Variants in SGCD observed in about 807,000 individuals in gnomAD.
SGCD encodes the protein sarcoglycan delta, also known as delta-sarcoglycan.
SGCD carries 18 observed loss-of-function variants against 36.6 expected under a neutral mutation model. The ratio of observed to expected loss-of-function variants is 0.49; its 90% confidence interval spans 0.34 to 0.73. The LOEUF is 0.73. Among genes scored for constraint, SGCD ranks in the 30% least tolerant of loss-of-function variants. SGCD has a pLI of 0.01. For missense variants in SGCD, 387 were observed against 346.7 expected (o/e 1.12, Z -0.92); for synonymous variants, 133 against 130.6 (o/e 1.02, Z -0.12).
chr5:156,270,293 G>A (rs1482505593), intron 3 of SGCD, among the ~76,000 whole-genome samples: 1 of 152,114 alleles, frequency 6.6e-6, no homozygotes, highest in Non-Finnish European at 1.5e-5. Flanking sequence ...TTTGAAGCCA[G>A]GTAGCATGAT....
Position 156,570,547 on chromosome 5 carries a change from T to C in SGCD, c.295-18684T>C, listed in dbSNP as rs146822297. Reference sequence around the variant, plus strand: ...ATTTATAGCTTCCAGTCATATTTTGTTGTTTTTATATGCAGTCTCTGTGGA... The same window carrying C: ...ATTTATAGCTTCCAGTCATATTTTGCTGTTTTTATATGCAGTCTCTGTGGA... On this transcript the variant is annotated intron_variant, in intron 4 of 8. Transcript: ENST00000337851. 4.5e-3 allele frequency among the ~76,000 whole-genome samples: 689 copies of C among 152,366 alleles called. 4 individuals carry two copies. Among genetic ancestry groups the C allele is most frequent in the African/African-American group, 0.014 (573 of 41,592 alleles).
At chr5:156,348,154 T>A (rs1413442909) in intron 3 of SGCD, among the ~76,000 whole-genome samples, 1 of 152,100 alleles carries the variant, frequency 6.6e-6, no homozygotes, top group African/African-American at 2.4e-5. Flanking sequence ...GAATGAGGTA[T>A]TAAGCACTGT....
At chr5:156,615,525 A>G (rs569687076) in intron 6 of SGCD, among the ~76,000 whole-genome samples, 12 of 152,158 alleles carry the variant, frequency 7.9e-5, no homozygotes, top group Non-Finnish European at 1.5e-4. Context: ...AGGCTTTTGA[A>G]TTTGATGAAA....
At chr5:155,749,374 T>G in the SGCD span, among the ~76,000 whole-genome samples, 2 of 152,230 alleles carry the variant, frequency 1.3e-5, no homozygotes, top group South Asian at 4.1e-4. Context: ...TCTTAGTTTT[T>G]TCTGAAGAAC....
the SGCD span, among the ~76,000 whole-genome samples, chr5:155,729,012 GC>G: frequency 6.6e-6 from 1 of 152,246 alleles, no homozygotes; most frequent in African/African-American, 2.4e-5. Flanking sequence ...GCTAATGGAG[GC>G]CCCCTTTACC....
intron 1 of SGCD, among the ~76,000 whole-genome samples, chr5:156,077,860 G>C (rs543159786): frequency 2.6e-5 from 4 of 152,246 alleles, no homozygotes; most frequent in South Asian, 2.1e-4. Context: ...TTGGAAACAA[G>C]GGAGAAGCGT....
At chr5:156,519,374 A>C (rs184995049) in intron 4 of SGCD, among the ~76,000 whole-genome samples, 2 of 152,122 alleles carry the variant, frequency 1.3e-5, no homozygotes, top group Non-Finnish European at 2.9e-5. Context: ...ACAAACAAAC[A>C]AAAATAACAA....
At chr5:155,819,807 C>T in the SGCD span, among the ~76,000 whole-genome samples, 1 of 152,064 alleles carries the variant, frequency 6.6e-6, no homozygotes, top group South Asian at 2.1e-4. Flanking sequence ...GACATGAGTA[C>T]AAGGTTTTAG....
At chr5:156,070,185 G>C (rs990689341) in intron 1 of SGCD, among the ~76,000 whole-genome samples, 3 of 150,702 alleles carry the variant, frequency 2.0e-5, no homozygotes, top group African/African-American at 7.5e-5. Context: ...GGAGCGGTGA[G>C]AGAGGGCATC....
At chr5:156,273,439 C>A (rs1411810593) in intron 3 of SGCD, among the ~76,000 whole-genome samples, 1 of 152,100 alleles carries the variant, frequency 6.6e-6, no homozygotes, top group Non-Finnish European at 1.5e-5. Context: ...TGCTCACAGC[C>A]CATTGTCAGT....
At chr5:156,657,640 G>T (rs1347554085) in intron 7 of SGCD, among the ~76,000 whole-genome samples, 3 of 151,760 alleles carry the variant, frequency 2.0e-5, no homozygotes, top group African/African-American at 7.3e-5. Flanking sequence ...GTGCATGCCG[G>T]TAATCCCAGC....
At chr5:156,089,021 G>A (rs1761171535) in intron 1 of SGCD, among the ~76,000 whole-genome samples, 1 of 152,108 alleles carries the variant, frequency 6.6e-6, no homozygotes, top group South Asian at 2.1e-4. Context: ...GACTTTAATG[G>A]CACCTTGTCC....
intron 1 of SGCD, among the ~76,000 whole-genome samples, chr5:155,982,481 T>G (rs1436470597): frequency 6.6e-6 from 1 of 152,188 alleles, no homozygotes; most frequent in African/African-American, 2.4e-5. Context: ...CTCAGTATAC[T>G]TGTTTGTACT....
chr5:156,109,319 A>G (rs1277420566), intron 1 of SGCD, among the ~76,000 whole-genome samples: 1 of 152,048 alleles, frequency 6.6e-6, no homozygotes, highest in African/African-American at 2.4e-5. Context: ...TGCTAATTTC[A>G]GTGACTCAGT....
At chr5:155,952,760 G>A (rs1202905082) in intron 1 of SGCD, among the ~76,000 whole-genome samples, 1 of 152,172 alleles carries the variant, frequency 6.6e-6, no homozygotes, top group African/African-American at 2.4e-5. Context: ...AAAATGTTAT[G>A]CACTTCCTTT....
chr5:156,397,193 G>C (rs1275341692), intron 3 of SGCD, among the ~76,000 whole-genome samples: 1 of 152,110 alleles, frequency 6.6e-6, no homozygotes, highest in East Asian at 1.9e-4. Flanking sequence ...TAAGGAGGAG[G>C]GAGAGAATGA....
chr5:156,156,962 C>T (rs1762978028), intron 3 of SGCD, among the ~76,000 whole-genome samples: 1 of 151,566 alleles, frequency 6.6e-6, no homozygotes, highest in Admixed American at 6.6e-5. Flanking sequence ...TTTCATGCAT[C>T]CCTGATCCTT....
At chr5:156,541,751 C>G (rs2113151845) in intron 4 of SGCD, among the ~76,000 whole-genome samples, 1 of 152,064 alleles carries the variant, frequency 6.6e-6, no homozygotes, top group South Asian at 2.1e-4. Flanking sequence ...TTATAGAAAC[C>G]CTATAAAGTA....
At chr5:156,432,066 C>T (rs1339442975) in intron 3 of SGCD, among the ~76,000 whole-genome samples, 4 of 152,256 alleles carry the variant, frequency 2.6e-5, no homozygotes, top group South Asian at 2.1e-4. Flanking sequence ...CGTGGGACTA[C>T]GAGGCTCTGG....
Sources: allele counts gnomAD v4.1 joint callset (sites outside exome capture counted in the v4.1 genomes callset), GRCh38; gene constraint gnomAD v4.1.1; transcripts MANE v1.5; gene names NCBI Gene and HGNC (gene_info 2026-07-23, HGNC 2026-07-21).